Variants in DARS1 observed in about 807,000 individuals in gnomAD.
The protein encoded by DARS1 is aspartate--tRNA ligase, cytoplasmic.
In DARS1, 51 loss-of-function variants were observed where a neutral mutation model predicts 68.8. The observed-to-expected ratio is 0.74, with a 90% CI of 0.59 to 0.94. The LOEUF is 0.94. DARS1 is among the 40% of genes least tolerant of loss of function. The pLI is 0.00. For synonymous variants in DARS1, 203 were observed against 190.4 expected (o/e 1.07, Z -0.55); for missense variants, 607 against 597.3 (o/e 1.02, Z -0.17).
chr2:135,982,462 G>A (rs1052404492), intron 2 of DARS1, among the ~76,000 whole-genome samples: 4 of 151,892 alleles, frequency 2.6e-5, no homozygotes, highest in Non-Finnish European at 4.4e-5. Context: ...GAGGCGTGGC[G>A]GTGTGCGCCT....
intron 4 of DARS1, among the ~76,000 whole-genome samples, chr2:135,948,991 A>G (rs1681785130): frequency 6.6e-6 from 1 of 152,212 alleles, no homozygotes; most frequent in Non-Finnish European, 1.5e-5. Flanking sequence ...ACTTGTAGGT[A>G]GCTAGGTGAC....
At chr2:135,979,412 A>G (rs779018032) in intron 2 of DARS1, 46 bp from the exon 3 acceptor site, 17 of 846,836 alleles carry the variant, frequency 2.0e-5, no homozygotes, top group African/African-American at 5.1e-5. Flanking sequence ...TAATTTTTAA[A>G]TTCAGAATTT....
At chr2:135,946,097 C>T (rs913460109) in intron 4 of DARS1, among the ~76,000 whole-genome samples, 5 of 151,854 alleles carry the variant, frequency 3.3e-5, no homozygotes, top group Non-Finnish European at 5.9e-5. Flanking sequence ...TCAGACTATC[C>T]GAGGGTTTTA....
intron 2 of DARS1, 31 bp downstream of exon 2, chr2:135,983,366 A>C (rs1426289535): frequency 1.2e-6 from 1 of 864,684 alleles, no homozygotes; most frequent in Non-Finnish European, 1.9e-6. Flanking sequence ...GAAAGCAAAA[A>C]AGCTTTATTT....
At chr2:135,985,162 C>A (rs192461299) in intron 1 of DARS1, 51 of 587,148 alleles carry the variant, frequency 8.7e-5, no homozygotes, top group Middle Eastern at 4.8e-4. Context: ...CCCGTCCTCC[C>A]CACCCCGGGG....
At chr2:135,934,176 A>T (rs1681415359) in intron 5 of DARS1, among the ~76,000 whole-genome samples, 186 bp from the exon 6 acceptor site, 2 of 152,180 alleles carry the variant, frequency 1.3e-5, no homozygotes, top group African/African-American at 4.8e-5. Flanking sequence ...TAAAATGGGG[A>T]TAATAATATT....
intron 3 of DARS1, among the ~76,000 whole-genome samples, chr2:135,978,142 CA>C (rs59505882): frequency 0.057 from 3,125 of 54,832 alleles, 33 homozygotes; most frequent in African/African-American, 0.17. Context: ...GACTCTGTCT[CA>C]AAAAAAAAAA....
chr2:135,940,198 A>G (rs1377898392), intron 5 of DARS1, among the ~76,000 whole-genome samples: 1 of 152,212 alleles, frequency 6.6e-6, no homozygotes, highest in East Asian at 1.9e-4. Context: ...TGGCAGAGAC[A>G]TAACAAAAAA....
chr2:135,980,632 C>G (rs570465611), intron 2 of DARS1: 1 of 152,294 alleles, frequency 6.6e-6, no homozygotes, highest in South Asian at 2.1e-4. Context: ...AGCCAACTTC[C>G]AAGTCTGCTG....
At chr2:135,917,161 AAAAAAG>A (rs1432164906) in intron 10 of DARS1, among the ~76,000 whole-genome samples, 1 of 152,204 alleles carries the variant, frequency 6.6e-6, no homozygotes, top group Admixed American at 6.5e-5. Flanking sequence ...CTCGTCTCAA[AAAAAAG>A]AAAAAGAAAA....
intron 5 of DARS1, among the ~76,000 whole-genome samples, chr2:135,936,178 A>T (rs1383436569): frequency 6.6e-6 from 1 of 152,186 alleles, no homozygotes; most frequent in East Asian, 1.9e-4. Context: ...TGATAAAGCA[A>T]AGTCACTACT....
intron 3 of DARS1, among the ~76,000 whole-genome samples, chr2:135,969,219 CTG>C (rs1445529102): frequency 6.6e-6 from 1 of 151,772 alleles, no homozygotes; most frequent in African/African-American, 2.4e-5. Context: ...CCAAGAAACA[CTG>C]TTAATTATTT....
In DARS1 at chr2:135,920,442, AT is replaced by A; in HGVS notation, c.959+10del. ...AATTAAGTCCATCTAGGTGCATAAAATACTTTTTACCTTTCTTGAAGTCCTT... is the reference window on the plus strand; with the variant it reads ...AATTAAGTCCATCTAGGTGCATAAAAACTTTTTACCTTTCTTGAAGTCCTT... On this transcript the variant is annotated intron_variant, in intron 10 of 15. Transcript: ENST00000264161. 1.2e-6 allele frequency: 2 copies of A among 1,609,244 alleles called. No individual in the cohort carries two copies. The highest frequency in any genetic ancestry group is 8.5e-7 in the Non-Finnish European group (1 of 1,178,294).
At position 135,984,132 on chromosome 2, in the gene DARS1, C is replaced by A. The variant is rs114110228; in HGVS notation, c.67-678G>T. 5.2e-3 allele frequency among the ~76,000 whole-genome samples: 789 copies of A among 152,268 alleles called. 7 individuals are homozygous for A. Among genetic ancestry groups the A allele is most frequent in the African/African-American group, 0.018 (733 of 41,548 alleles). Reference sequence around the variant, plus strand: ...GAAGACCTAGGGTCCAATCTGTTAACAAAATATACTTATTAAATAGATAAG... The same window carrying A: ...GAAGACCTAGGGTCCAATCTGTTAAAAAAATATACTTATTAAATAGATAAG... On this transcript the variant is annotated intron_variant, in intron 1 of 15. Coordinates refer to ENST00000264161, the MANE Select transcript of DARS1 (RefSeq NM_001349.4).
chr2:135,982,337 G>A (rs927625457), intron 2 of DARS1, among the ~76,000 whole-genome samples: 3 of 152,110 alleles, frequency 2.0e-5, no homozygotes, highest in African/African-American at 7.2e-5. Flanking sequence ...GCTCACACCT[G>A]TAATCCTAGC....
At chr2:135,933,883 A>T in intron 6 of DARS1, 27 bp downstream of exon 6, 1 of 1,605,344 alleles carries the variant, frequency 6.2e-7, no homozygotes, top group Non-Finnish European at 8.5e-7. Context: ...CAGCGGAAGC[A>T]TAATATTTCA....
At chr2:135,911,251 T>C (rs752428595) in intron 14 of DARS1, 41 bp from the exon 15 acceptor site, 3 of 1,080,956 alleles carry the variant, frequency 2.8e-6, no homozygotes, top group South Asian at 2.6e-5. Flanking sequence ...TATCATCTTA[T>C]TTATCTTAAA....
intron 11 of DARS1, among the ~76,000 whole-genome samples, chr2:135,915,569 G>A (rs1290294318): frequency 6.6e-6 from 1 of 152,094 alleles, no homozygotes; most frequent in South Asian, 2.1e-4. Flanking sequence ...TTACAGGCAT[G>A]AGCCACCATG....
At chr2:135,952,067 C>T (rs182273079) in intron 4 of DARS1, among the ~76,000 whole-genome samples, 1 of 152,114 alleles carries the variant, frequency 6.6e-6, no homozygotes, top group Admixed American at 6.5e-5. Flanking sequence ...ATGATGAAAC[C>T]CTGTCTCTAC....
Sources: gnomAD v4.1 joint callset for allele counts (sites outside exome capture counted in the v4.1 genomes callset) on GRCh38, gnomAD v4.1.1 for gene constraint, MANE v1.5 for transcripts, NCBI Gene and HGNC (gene_info 2026-07-23, HGNC 2026-07-21) for gene names.